DMD: variants seen among roughly 807,000 people sequenced by gnomAD.
DMD encodes dystrophin.
A neutral mutation model predicts 330.1 loss-of-function variants in DMD; 63 were observed. The observed-to-expected ratio is 0.19, with a 90% CI of 0.16 to 0.24. The LOEUF is 0.24. Among genes scored for constraint, DMD ranks in the 10% least tolerant of loss-of-function variants. DMD has a pLI of 1.00. For missense variants in DMD, 3,344 were observed against 2,684.1 expected (o/e 1.25, Z -5.43); for synonymous variants, 1,223 against 959.8 (o/e 1.27, Z -5.07).
intron 1 of DMD, among the ~76,000 whole-genome samples, chrX:33,127,011 C>T (rs1379291958): frequency 1.8e-5 from 2 of 111,350 alleles, no homozygotes; most frequent in Admixed American, 9.6e-5. Context: ...TTAGTCCAGA[C>T]CAAATGAGAG....
chrX:32,813,968 T>C (rs1236434910), intron 6 of DMD, among the ~76,000 whole-genome samples: 4 of 111,861 alleles, frequency 3.6e-5, no homozygotes, highest in Non-Finnish European at 7.5e-5. Flanking sequence ...CCTATACTGT[T>C]AGAAATTAGT....
intron 12 of DMD, among the ~76,000 whole-genome samples, chrX:32,606,592 A>G (rs1183772634): frequency 9.1e-6 from 1 of 109,607 alleles, no homozygotes; most frequent in East Asian, 2.9e-4. Context: ...TGTTACATGA[A>G]AAAGCTACCT....
intron 45 of DMD, among the ~76,000 whole-genome samples, chrX:31,967,297 G>GGTGT (rs746437287): frequency 0.017 from 1,265 of 74,533 alleles, 27 homozygotes; most frequent in Non-Finnish European, 0.018. Context: ...TTTGGCAAGG[G>GGTGT]GTGTGTGTGT....
chrX:31,349,118 A>C (rs1351163311), intron 60 of DMD, among the ~76,000 whole-genome samples: 1 of 112,591 alleles, frequency 8.9e-6, no homozygotes, highest in Non-Finnish European at 1.9e-5. Flanking sequence ...TTAATTATTG[A>C]TAATTATTAA....
At chrX:32,479,781 C>CTATATATATCACGAGATATATATATATA (rs1569564499) in intron 21 of DMD, among the ~76,000 whole-genome samples, 1 of 109,401 alleles carries the variant, frequency 9.1e-6, no homozygotes, top group African/African-American at 3.3e-5. Context: ...GCATATATCA[C>CTATATATATCACGAGATATATATATATA]TATATATATC....
intron 7 of DMD, among the ~76,000 whole-genome samples, chrX:32,734,007 A>C (rs1225312661): frequency 9.3e-6 from 1 of 107,359 alleles, no homozygotes; most frequent in Non-Finnish European, 1.9e-5. Flanking sequence ...CAAAATAGAT[A>C]GACTGCTAGC....
intron 41 of DMD, among the ~76,000 whole-genome samples, chrX:32,336,846 T>A (rs2097718023): frequency 8.9e-6 from 1 of 111,823 alleles, no homozygotes; most frequent in Non-Finnish European, 1.9e-5. Context: ...TGTTTAAGTA[T>A]AGAAAAGAAA....
At chrX:33,048,800 T>G (rs2094421858) in intron 1 of DMD, among the ~76,000 whole-genome samples, 2 of 106,966 alleles carry the variant, frequency 1.9e-5, no homozygotes, top group African/African-American at 3.4e-5. Flanking sequence ...ACACTCTTCA[T>G]ATGGCAAACT....
At chrX:32,949,972 A>C (rs1466942948) in intron 2 of DMD, among the ~76,000 whole-genome samples, 1 of 110,188 alleles carries the variant, frequency 9.1e-6, no homozygotes, top group Non-Finnish European at 1.9e-5. Context: ...AGGCAAAAAA[A>C]AAAAAAAAAA....
chrX:31,125,006 G>GTTTT (rs1216640699), intron 78 of DMD, among the ~76,000 whole-genome samples: 2 of 111,354 alleles, frequency 1.8e-5, no homozygotes, highest in African/African-American at 3.3e-5. Context: ...GGTCATTATT[G>GTTTT]TTTTGATTCT....
intron 44 of DMD, among the ~76,000 whole-genome samples, chrX:32,011,250 CGTAGGACAGCCACCT>C (rs1408180845): frequency 8.9e-6 from 1 of 112,206 alleles, no homozygotes; most frequent in Non-Finnish European, 1.9e-5. Context: ...AAATCTTATT[CGTAGGACAGCCACCT>C]ACAGGGCCAC....
At chrX:32,721,174 G>C (rs2066267943) in intron 7 of DMD, among the ~76,000 whole-genome samples, 2 of 110,709 alleles carry the variant, frequency 1.8e-5, no homozygotes, top group African/African-American at 6.6e-5. Context: ...ATGAGAGTAA[G>C]GCTATCTCCA....
intron 55 of DMD, among the ~76,000 whole-genome samples, chrX:31,555,926 T>TATG (rs1360961808): frequency 8.9e-6 from 1 of 111,891 alleles, no homozygotes; most frequent in Non-Finnish European, 1.9e-5. Flanking sequence ...TAATTTGGTC[T>TATG]ATGAGCCTTT....
chrX:32,189,962 A>AG (rs1462328557), intron 44 of DMD, among the ~76,000 whole-genome samples: 1 of 111,179 alleles, frequency 9.0e-6, no homozygotes, highest in Non-Finnish European at 1.9e-5. Context: ...CATGTGTAAT[A>AG]GACTGTAGCT....
At chrX:32,375,314 G>A (rs1392944104) in intron 34 of DMD, among the ~76,000 whole-genome samples, 2 of 112,209 alleles carry the variant, frequency 1.8e-5, no homozygotes, top group Non-Finnish European at 3.8e-5. Context: ...AATCTGCTAG[G>A]TTCCTGTCCT....
At chrX:31,184,943 A>G (rs1449405056) in intron 67 of DMD, among the ~76,000 whole-genome samples, 1 of 74,471 alleles carries the variant, frequency 1.3e-5, no homozygotes, top group Non-Finnish European at 2.4e-5. Context: ...GAAGGGGAAC[A>G]TCACACTCTG....
In DMD at chrX:32,485,241, T is replaced by C. The variant is rs930812730; in HGVS notation, c.2623-142A>G. On this transcript the variant is annotated intron_variant, in intron 20 of 78. Coordinates refer to ENST00000357033, the MANE Select transcript of DMD (RefSeq NM_004006.3). The stretch of plus-strand genomic sequence containing the variant: ...CTGATAAGAAACATCCATGACAGTA[T>C]AGACAAGCCTCTATCACCAGCCATA... 42 of 551,860 alleles carry C rather than the reference T, an allele frequency of 7.6e-5. No individual in the cohort carries two copies. The South Asian group carries it at 1.0e-3, about 14-fold the overall frequency. The allele number at this position is 551,860 out of a possible 1,213,427, so 45.5% of individuals were successfully genotyped here. A position where few individuals can be genotyped will look rare whatever the true frequency, so the allele number is the denominator to read the frequency against.
chrX:32,812,404 G>A (rs1210233429), intron 6 of DMD, among the ~76,000 whole-genome samples: 1 of 112,249 alleles, frequency 8.9e-6, no homozygotes, highest in Non-Finnish European at 1.9e-5. Context: ...AGGCCGAGAC[G>A]GGTCAATCAC....
At chrX:32,696,431 T>C (rs1195709225) in intron 9 of DMD, among the ~76,000 whole-genome samples, 2 of 112,228 alleles carry the variant, frequency 1.8e-5, no homozygotes, top group Non-Finnish European at 3.8e-5. Context: ...TTTATTTGAA[T>C]GGCTTATTTT....
Sources: gnomAD v4.1 joint callset for allele counts (sites outside exome capture counted in the v4.1 genomes callset) on GRCh38, gnomAD v4.1.1 for gene constraint, MANE v1.5 for transcripts, NCBI Gene and HGNC (gene_info 2026-07-23, HGNC 2026-07-21) for gene names.